HNF1B: variants seen among roughly 807,000 people sequenced by gnomAD.
HNF1B encodes hepatocyte nuclear factor 1-beta.
HNF1B carries 8 observed loss-of-function variants against 61.7 expected under a neutral mutation model. The observed-to-expected ratio is 0.13, with a 90% CI of 0.08 to 0.23. The LOEUF (loss-of-function observed/expected upper bound fraction) is 0.23, where lower values mean the gene tolerates loss of function less well. Ranked by LOEUF, HNF1B falls within the 10% of genes least tolerant of loss-of-function variation. The probability of loss-of-function intolerance (pLI) is 1.00; values close to 1 mark genes in which losing one functional copy is unlikely to be tolerated. For missense variants in HNF1B, 562 were observed against 714.5 expected, an observed-to-expected ratio of 0.79 and a Z score of 2.43; for synonymous variants, 314 against 287.7, an observed-to-expected ratio of 1.09 and a Z score of -0.93.
At chr17:37,697,270 G>T (rs188664219) in intron 8 of HNF1B, among the ~76,000 whole-genome samples, 2 of 152,192 alleles carry the variant, frequency 1.3e-5, no homozygotes, top group African/African-American at 4.8e-5. Context: ...CTTACTGAGT[G>T]TAATAATCAT....
intron 5 of HNF1B, among the ~76,000 whole-genome samples, chr17:37,706,784 C>T (rs1176294905): frequency 1.3e-5 from 2 of 151,562 alleles, no homozygotes; most frequent in African/African-American, 4.9e-5. Context: ...TCTGACATTT[C>T]AGCATTTGGT....
chr17:37,720,800 G>A, intron 4 of HNF1B: 2 of 985,294 alleles, frequency 2.0e-6, no homozygotes, highest in Non-Finnish European at 2.4e-6. Context: ...ACAGAGCAAG[G>A]TGTTCAGAGA....
chr17:37,739,886 G>C (rs965752104), intron 1 of HNF1B, among the ~76,000 whole-genome samples: 2 of 151,684 alleles, frequency 1.3e-5, no homozygotes, highest in South Asian at 2.1e-4. Flanking sequence ...CCATCTTCAG[G>C]AATAAAAAAG....
intron 5 of HNF1B, among the ~76,000 whole-genome samples, chr17:37,709,539 A>T (rs2032864166): frequency 6.6e-6 from 1 of 152,128 alleles, no homozygotes; most frequent in South Asian, 2.1e-4. Flanking sequence ...TACAGGTATG[A>T]GCCACTGCAC....
At position 37,701,164 on chromosome 17, in the gene HNF1B, G is replaced by A; in HGVS notation, c.1353C>T (p.Ser451=). ...TGATGACAGGGACACTCTGTGCTTG[G>A]GAGGTGTTGAGGCCTGTGGGAGCAA... The part of the protein sequence containing the change: ...VMAIAQSLNT[S]QAQSVPVINS... The change falls in exon 7 of 9, where the codon TCC becomes TCT. Residue 451 remains serine (S), a synonymous_variant. Coordinates refer to ENST00000617811, the MANE Select transcript of HNF1B (RefSeq NM_000458.4). The A allele has an allele frequency of 6.4e-7, 1 of 1,551,100 alleles. No homozygotes were observed. The highest frequency in any genetic ancestry group is 8.7e-7 in the Non-Finnish European group (1 of 1,147,180).
intron 2 of HNF1B, among the ~76,000 whole-genome samples, chr17:37,735,762 A>G (rs1485779357): frequency 1.3e-5 from 2 of 152,038 alleles, no homozygotes; most frequent in Non-Finnish European, 2.9e-5. Context: ...TGGGGGTTAT[A>G]CTTTTTCTTT....
intron 4 of HNF1B, among the ~76,000 whole-genome samples, chr17:37,711,886 C>G (rs1465978514): frequency 6.6e-6 from 1 of 152,188 alleles, no homozygotes; most frequent in Non-Finnish European, 1.5e-5. Flanking sequence ...ACCCCCTGCC[C>G]TAGCTAGAGC....
At chr17:37,724,475 G>A (rs143247458) in intron 4 of HNF1B, among the ~76,000 whole-genome samples, 2 of 152,248 alleles carry the variant, frequency 1.3e-5, no homozygotes, top group Non-Finnish European at 2.9e-5. Flanking sequence ...GTCCTACAGC[G>A]GGGTCAGCAA....
intron 5 of HNF1B, among the ~76,000 whole-genome samples, chr17:37,707,917 C>G (rs2032805248): frequency 6.6e-6 from 1 of 152,126 alleles, no homozygotes; most frequent in Admixed American, 6.5e-5. Context: ...ATTTCCAAAA[C>G]CAGTCCTTGG....
intron 4 of HNF1B, among the ~76,000 whole-genome samples, chr17:37,715,812 AATCTTTTTATTGGATTCTT>A (rs1188285522): frequency 4.6e-5 from 7 of 152,212 alleles, no homozygotes; most frequent in African/African-American, 1.7e-4. Context: ...AAACTCTGGT[AATCTTTTTATTGGATTCTT>A]ATCTTTTAAA....
At chr17:37,703,517 T>C (rs572250658) in intron 6 of HNF1B, among the ~76,000 whole-genome samples, 1 of 152,270 alleles carries the variant, frequency 6.6e-6, no homozygotes, top group Admixed American at 6.5e-5. Context: ...ATAAGTGGAA[T>C]ATCTTCCCCA....
chr17:37,694,468 T>G (rs2032321028), intron 8 of HNF1B, among the ~76,000 whole-genome samples: 1 of 101,846 alleles, frequency 9.8e-6, no homozygotes. Context: ...AAAAAAAAGA[T>G]ACTTGAAGAT....
chr17:37,740,707 A>C (rs551934615), intron 1 of HNF1B, among the ~76,000 whole-genome samples: 153 of 152,064 alleles, frequency 1.0e-3, no homozygotes, highest in African/African-American at 3.6e-3. Flanking sequence ...AAATAACTTC[A>C]ATTTCGGACA....
intron 8 of HNF1B, among the ~76,000 whole-genome samples, chr17:37,693,166 G>C (rs1598798952): frequency 6.8e-6 from 1 of 146,968 alleles, no homozygotes; most frequent in Middle Eastern, 3.5e-3. Context: ...CTCCAGCCTG[G>C]GTGACAGAGT....
intron 8 of HNF1B, 80 bp from the exon 9 acceptor site, chr17:37,687,472 AGAT>A: frequency 9.4e-7 from 1 of 1,064,534 alleles, no homozygotes; most frequent in Non-Finnish European, 1.5e-6. Flanking sequence ...TCTCTAAGGG[AGAT>A]GATGCCCAAC....
At chr17:37,707,791 C>T (rs1257458157) in intron 5 of HNF1B, among the ~76,000 whole-genome samples, 1 of 149,362 alleles carries the variant, frequency 6.7e-6, no homozygotes, top group Non-Finnish European at 1.5e-5. Context: ...TTTAAAGGTT[C>T]GACATGCACA....
At chr17:37,712,090 G>T (rs1365007634) in intron 4 of HNF1B, among the ~76,000 whole-genome samples, 1 of 152,198 alleles carries the variant, frequency 6.6e-6, no homozygotes, top group Admixed American at 6.5e-5. Context: ...GAGGGCTGGG[G>T]AAAAGAACAA....
At chr17:37,719,478 A>C (rs1274110137) in intron 4 of HNF1B, among the ~76,000 whole-genome samples, 1 of 152,242 alleles carries the variant, frequency 6.6e-6, no homozygotes, top group African/African-American at 2.4e-5. Flanking sequence ...TTCTCCAAAG[A>C]AACTAGAGTA....
At chr17:37,732,340 G>A (rs1277970377) in intron 3 of HNF1B, among the ~76,000 whole-genome samples, 1 of 152,198 alleles carries the variant, frequency 6.6e-6, no homozygotes, top group Non-Finnish European at 1.5e-5. Flanking sequence ...AAAGCAGGGT[G>A]CATTGAGATG....
Sources: allele counts gnomAD v4.1 joint callset (sites outside exome capture counted in the v4.1 genomes callset), GRCh38; gene constraint gnomAD v4.1.1; transcripts MANE v1.5; gene names NCBI Gene and HGNC (gene_info 2026-07-23, HGNC 2026-07-21).